MTHFD1L: variants seen among roughly 807,000 people sequenced by gnomAD.
MTHFD1L encodes methylenetetrahydrofolate dehydrogenase (NADP+ dependent) 1 like.
A neutral mutation model predicts 119.5 loss-of-function variants in MTHFD1L; 81 were observed. The observed-to-expected ratio is 0.68, with a 90% CI of 0.57 to 0.82. MTHFD1L has a LOEUF of 0.82. Ranked by LOEUF, MTHFD1L falls within the 40% of genes least tolerant of loss-of-function variation. The pLI is 0.00. For synonymous variants in MTHFD1L, 430 were observed against 475.2 expected (o/e 0.90, Z 1.24); for missense variants, 1,125 against 1,253.4 (o/e 0.90, Z 1.55).
chr6:151,050,185 C>T (rs1200801609), intron 26 of MTHFD1L, among the ~76,000 whole-genome samples: 3 of 152,166 alleles, frequency 2.0e-5, no homozygotes, highest in Non-Finnish European at 2.9e-5. Flanking sequence ...TTGTTTGAGA[C>T]AGAGTCTCGC....
rs765979290 is a variant in MTHFD1L at position 150,926,173 on chromosome 6, CAAGGAGA to C, written c.1135_1141del (p.Lys379LeufsTer23). ...CTCCAAAAGCTGTGGATGTCCTTGC[CAAGGAGA>C]TTGGATTGCTTGCAGATGAAATTGA... On this transcript the variant is annotated frameshift_variant, in exon 11 of 28. Coordinates refer to ENST00000367321, the MANE Select transcript of MTHFD1L (RefSeq NM_015440.5). LOFTEE classifies it high-confidence loss of function. This position sits in a 1 kb window ranked among gnomAD's most constrained non-coding sequence, Gnocchi z 4.3. 1.9e-6 allele frequency: 3 copies of C among 1,614,002 alleles called. No individual in the cohort carries two copies. The highest frequency in any genetic ancestry group is 2.5e-6 in the Non-Finnish European group (3 of 1,179,966).
At chr6:150,876,758 AAGCCTGGAAGCAAACAC>A (rs1780512303) in intron 2 of MTHFD1L, among the ~76,000 whole-genome samples, 1 of 152,166 alleles carries the variant, frequency 6.6e-6, no homozygotes, top group African/African-American at 2.4e-5. Context: ...GAGGTGAGCC[AAGCCTGGAAGCAAACAC>A]AGCCTGACAG....
chr6:150,877,897 C>T lies in MTHFD1L; in HGVS notation c.417+71C>T. On this transcript the variant is annotated intron_variant, in intron 4 of 27. Coordinates refer to ENST00000367321, the MANE Select transcript of MTHFD1L (RefSeq NM_015440.5). Reference sequence around the variant, plus strand: ...AGACTTAATAGGCCCATTGGCGTCTCTTAGTGGTGGCTGGGACAGATCTAA... The same window carrying T: ...AGACTTAATAGGCCCATTGGCGTCTTTTAGTGGTGGCTGGGACAGATCTAA... 3 of 1,563,542 alleles carry T rather than the reference C, an allele frequency of 1.9e-6. No homozygotes were observed. In the South Asian group the frequency reaches 3.3e-5, roughly 17 times the overall value.
At chr6:151,045,068 G>T (rs1203911929) in intron 26 of MTHFD1L, among the ~76,000 whole-genome samples, 1 of 152,142 alleles carries the variant, frequency 6.6e-6, no homozygotes, top group Non-Finnish European at 1.5e-5. Flanking sequence ...ACTCAGTGGG[G>T]AGGTGTTTCC....
intron 26 of MTHFD1L, among the ~76,000 whole-genome samples, chr6:151,080,134 C>T (rs963405013): frequency 2.0e-5 from 3 of 151,942 alleles, no homozygotes; most frequent in Non-Finnish European, 4.4e-5. Context: ...GCCGAGATTG[C>T]GCCATTGCAC....
intron 27 of MTHFD1L, among the ~76,000 whole-genome samples, chr6:151,093,541 C>T (rs1392261647): frequency 6.6e-6 from 1 of 152,106 alleles, no homozygotes; most frequent in Non-Finnish European, 1.5e-5. Context: ...CCTGTAATCC[C>T]AGCTACTCGG....
At chr6:151,038,496 A>G (rs952630275) in intron 26 of MTHFD1L, among the ~76,000 whole-genome samples, 1 of 151,932 alleles carries the variant, frequency 6.6e-6, no homozygotes, top group Admixed American at 6.5e-5. Flanking sequence ...AGACCATCTC[A>G]TGGAACTTGA....
chr6:151,010,629 A>G (rs1177117630), intron 21 of MTHFD1L, among the ~76,000 whole-genome samples: 1 of 152,202 alleles, frequency 6.6e-6, no homozygotes, highest in Non-Finnish European at 1.5e-5. Context: ...AAGGAAATAT[A>G]TTCCTTTCCA....
intron 27 of MTHFD1L, among the ~76,000 whole-genome samples, chr6:151,095,662 C>A (rs1181787449): frequency 1.3e-5 from 2 of 152,242 alleles, no homozygotes; most frequent in Non-Finnish European, 2.9e-5. Context: ...ATGGTAATTA[C>A]TTCCAATGTA....
chr6:150,931,286 TTTTTTC>T lies in MTHFD1L; in HGVS notation c.1256+4993_1256+4998del, dbSNP rs1218846806. On this transcript the variant is annotated intron_variant, in intron 11 of 27. Transcript: ENST00000367321. ...ATTTCATCTTTTTTTTTTTTTTTTT[TTTTTTC>T]TGCAGAGGGCCAAATACCCGATTGG... Among the ~76,000 whole-genome samples the T allele has an allele frequency of 3.1e-3, 457 of 147,332 alleles. 2 individuals are homozygous for T. The highest frequency in any genetic ancestry group is 5.6e-3 in the Non-Finnish European group (373 of 66,512).
At chr6:151,001,960 G>A (rs1233946383) in intron 20 of MTHFD1L, among the ~76,000 whole-genome samples, 2 of 152,130 alleles carry the variant, frequency 1.3e-5, no homozygotes, top group African/African-American at 4.8e-5. Context: ...AAAGGAAGGA[G>A]GATCATAAAG....
chr6:151,014,918 G>T lies in MTHFD1L; in HGVS notation c.2346G>T (p.Gln782His), dbSNP rs1252763401. 6.2e-7 allele frequency: 1 copy of T among 1,614,004 alleles called. No homozygotes were observed. The highest frequency in any genetic ancestry group is 2.2e-5 in the East Asian group (1 of 44,890). ...TGGCAGACGGCTGCTGTAACCTCCAGAAGCAAATTCAGATCACTCAGCTCT... is the reference window on the plus strand; with the variant it reads ...TGGCAGACGGCTGCTGTAACCTCCATAAGCAAATTCAGATCACTCAGCTCT... ...QLVADGCCNL[Q>H]KQIQITQLFG... The change falls in exon 23 of 28, where the codon CAG (glutamine) becomes CAT (histidine). Residue 782 changes from glutamine (Q) to histidine (H), a missense_variant. Physicochemically the swap from Gln to His is conservative, Grantham distance 24. This residue lies in a region of MTHFD1L where 1,058 missense variants were observed against 1,151.2 expected (regional missense o/e 0.92). Transcript: ENST00000367321.
intron 7 of MTHFD1L, among the ~76,000 whole-genome samples, chr6:150,900,946 C>A (rs1247779597): frequency 1.3e-5 from 2 of 151,280 alleles, no homozygotes; most frequent in East Asian, 3.9e-4. Context: ...ACCCAGGAGG[C>A]GGAGCTTGCA....
chr6:150,937,190 C>T (rs540505165), intron 12 of MTHFD1L, among the ~76,000 whole-genome samples: 35 of 152,238 alleles, frequency 2.3e-4, no homozygotes, highest in Admixed American at 5.9e-4. Context: ...TCAAGGCTCC[C>T]GCCTCGAGTG....
At chr6:151,059,354 A>G (rs1173315915) in intron 26 of MTHFD1L, among the ~76,000 whole-genome samples, 1 of 151,036 alleles carries the variant, frequency 6.6e-6, no homozygotes, top group Admixed American at 6.6e-5. Flanking sequence ...TAATTTTTGT[A>G]TTAGTAGAGT....
At chr6:151,083,847 G>A (rs917552602) in intron 26 of MTHFD1L, among the ~76,000 whole-genome samples, 4 of 152,094 alleles carry the variant, frequency 2.6e-5, no homozygotes, top group Admixed American at 6.6e-5. Flanking sequence ...AAAAAAGCTC[G>A]AGTAGTTACT....
intron 26 of MTHFD1L, among the ~76,000 whole-genome samples, chr6:151,049,335 CA>C (rs936158443): frequency 6.6e-6 from 1 of 151,964 alleles, no homozygotes; most frequent in African/African-American, 2.4e-5. Context: ...ACTAAAAATA[CA>C]AAAAAATTAG....
intron 4 of MTHFD1L, among the ~76,000 whole-genome samples, chr6:150,879,579 C>T (rs1424736431): frequency 2.0e-5 from 3 of 150,352 alleles, no homozygotes; most frequent in Non-Finnish European, 3.0e-5. Context: ...TGAGCCACTG[C>T]GCCCAGCTGG....
chr6:150,903,752 G>A (rs1257338505), intron 7 of MTHFD1L, among the ~76,000 whole-genome samples: 4 of 152,056 alleles, frequency 2.6e-5, no homozygotes, highest in Admixed American at 6.6e-5. Context: ...GTTTTAGTAG[G>A]GCTTTCTCTT....
Sources: allele counts gnomAD v4.1 joint callset (sites outside exome capture counted in the v4.1 genomes callset), GRCh38; gene constraint gnomAD v4.1.1; regional missense constraint gnomAD v4.1.1; non-coding constraint Gnocchi (gnomAD v3.1); transcripts MANE v1.5; gene names NCBI Gene and HGNC (gene_info 2026-07-23, HGNC 2026-07-21).